Variants in SLA observed in about 807,000 individuals in gnomAD.
SLA encodes src-like-adapter.
In SLA, 16 loss-of-function variants were observed where a neutral mutation model predicts 30.3. The observed-to-expected ratio is 0.53, with a 90% CI of 0.36 to 0.80. The LOEUF (loss-of-function observed/expected upper bound fraction) is 0.80. SLA is among the 30% of genes least tolerant of loss of function. SLA has a pLI of 0.01. For missense variants in SLA, 310 were observed against 345.2 expected (o/e 0.90, Z 0.81); for synonymous variants, 143 against 137.8 (o/e 1.04, Z -0.26).
chr8:133,092,103 T>C (rs1847646330), intron 1 of SLA, among the ~76,000 whole-genome samples: 1 of 152,202 alleles, frequency 6.6e-6, no homozygotes, highest in Non-Finnish European at 1.5e-5. Context: ...CACTCTGATC[T>C]CCAGGATTTT....
intron 3 of SLA, among the ~76,000 whole-genome samples, chr8:133,054,230 CAGAGA>C (rs1406462671): frequency 6.6e-6 from 1 of 151,896 alleles, no homozygotes; most frequent in Non-Finnish European, 1.5e-5. Context: ...ATGAGTGAGG[CAGAGA>C]AGAGGAGAGT....
rs1411645113 is a variant in SLA, at chr8:133,087,908, T to C, written c.-318-12778A>G. On this transcript the variant is annotated intron_variant, in intron 1 of 8. Transcript: ENST00000338087. ...CCAGAAAACCTGGGTCTTAACCTCT[T>C]TCACCTGCTACTGGCAGGATTTTAA... The C allele has an allele frequency of 2.0e-5, 3 of 152,210 alleles. No individual in the cohort carries two copies. In the East Asian group the frequency reaches 5.8e-4, roughly 29 times the overall value. The allele number at this position is 152,210 out of a possible 1,614,324, so 9.4% of individuals were successfully genotyped here.
chr8:133,087,822 G>A (rs1236806256), intron 1 of SLA: 1 of 152,190 alleles, frequency 6.6e-6, no homozygotes, highest in Non-Finnish European at 1.5e-5. Context: ...GCCTGTGAAT[G>A]TCACGTGACC....
At chr8:133,068,355 C>T (rs1227371806) in intron 2 of SLA, among the ~76,000 whole-genome samples, 1 of 152,180 alleles carries the variant, frequency 6.6e-6, no homozygotes. Context: ...CACTCTCAGG[C>T]TAACAGAGAG....
chr8:133,071,171 T>C (rs999569963), intron 2 of SLA, among the ~76,000 whole-genome samples: 1 of 152,192 alleles, frequency 6.6e-6, no homozygotes, highest in African/African-American at 2.4e-5. Context: ...CCAGTGCGTA[T>C]TGAGGAATTG....
At chr8:133,081,404 G>T (rs766659564) in intron 1 of SLA, among the ~76,000 whole-genome samples, 2 of 152,190 alleles carry the variant, frequency 1.3e-5, no homozygotes, top group African/African-American at 2.4e-5. Context: ...AAACCATCTG[G>T]GGGGAGAGCA....
At position 133,074,905 on chromosome 8, in the gene SLA, G is replaced by A; in HGVS notation, c.-93C>T. On this transcript the variant is annotated 5_prime_UTR_variant, in exon 2 of 9. Coordinates refer to ENST00000338087, the MANE Select transcript of SLA (RefSeq NM_001045556.3). ...GGAGCTGTCTGCAGAGGGATTGCTGGGTGCAGAGTCACTGCCTCTCCGTCT... is the reference window on the plus strand; with the variant it reads ...GGAGCTGTCTGCAGAGGGATTGCTGAGTGCAGAGTCACTGCCTCTCCGTCT... The A allele has an allele frequency of 1.0e-6, 1 of 985,524 alleles. No homozygotes were observed. The highest frequency in any genetic ancestry group is 4.7e-5 in the South Asian group (1 of 21,292). 61.0% of individuals were successfully genotyped at this position (985,524 alleles called of 1,614,324 possible).
chr8:133,092,454 C>T (rs993580490), intron 1 of SLA, among the ~76,000 whole-genome samples: 5 of 152,230 alleles, frequency 3.3e-5, no homozygotes, highest in African/African-American at 1.2e-4. Context: ...GACCTACAGG[C>T]ATGGCTGGGT....
chr8:133,039,872 G>A (rs1228549194), intron 8 of SLA, 126 bp downstream of exon 8: 9 of 1,459,818 alleles, frequency 6.2e-6, no homozygotes, highest in African/African-American at 2.8e-5. Flanking sequence ...GTTTCAGCAG[G>A]GCTGGCTGAC....
At chr8:133,069,565 C>T (rs184591298) in intron 2 of SLA, among the ~76,000 whole-genome samples, 1 of 152,294 alleles carries the variant, frequency 6.6e-6, no homozygotes, top group African/African-American at 2.4e-5. Flanking sequence ...CACAATTCGA[C>T]GGTCATTTGT....
chr8:133,088,415 C>A (rs1041531616), intron 1 of SLA, among the ~76,000 whole-genome samples: 5 of 152,260 alleles, frequency 3.3e-5, no homozygotes, highest in Admixed American at 1.3e-4. Flanking sequence ...GTGGGGGGAA[C>A]AATGAAACCT....
At chr8:133,050,135 G>T (rs543196000) in intron 4 of SLA, 147 bp from the exon 5 acceptor site, 3 of 666,196 alleles carry the variant, frequency 4.5e-6, no homozygotes, top group Non-Finnish European at 8.1e-6. Context: ...CCCATATTTC[G>T]TCATCTGAAA....
Position 133,050,855 on chromosome 8 carries a change from G to C in SLA, c.122C>G (p.Pro41Arg). 6.2e-7 allele frequency: 1 copy of C among 1,613,296 alleles called. No individual in the cohort carries two copies. The stretch of plus-strand genomic sequence containing the variant: ...CAGTTTCTCCCCTCGGCGGAATATC[G>C]GGGGGCTGATGTCAGGAGACGGGTA... ...SDYPSPDISPPIFRRGEKLRV... is the reference protein window; with the variant it reads ...SDYPSPDISPRIFRRGEKLRV... Residue 41 changes from proline (P) to arginine (R), a missense_variant, in exon 4 of 9, where the codon CCG becomes CGG. Physicochemically the swap from Pro to Arg is moderately radical, Grantham distance 103. Transcript: ENST00000338087.
At chr8:133,068,803 C>A (rs1203498024) in intron 2 of SLA, among the ~76,000 whole-genome samples, 3 of 152,242 alleles carry the variant, frequency 2.0e-5, no homozygotes, top group Non-Finnish European at 4.4e-5. Flanking sequence ...TTCTTTCTTT[C>A]TAGATAGACT....
chr8:133,079,077 G>A (rs1365911010), intron 1 of SLA, among the ~76,000 whole-genome samples: 1 of 152,192 alleles, frequency 6.6e-6, no homozygotes, highest in African/African-American at 2.4e-5. Context: ...CTAGGTCCAT[G>A]TACTGAGTCA....
intron 7 of SLA, among the ~76,000 whole-genome samples, chr8:133,041,881 A>G (rs752553572): frequency 6.8e-6 from 1 of 148,024 alleles, no homozygotes; most frequent in Non-Finnish European, 1.5e-5. Context: ...TCTGCCTCCC[A>G]GGTTCAAGTG....
chr8:133,066,368 C>G (rs1010330559), intron 2 of SLA, among the ~76,000 whole-genome samples: 2 of 136,236 alleles, frequency 1.5e-5, no homozygotes, highest in African/African-American at 5.4e-5. Flanking sequence ...TGGAACAAAA[C>G]AAAAGAAAAG....
chr8:133,087,262 A>G (rs1846738641), intron 1 of SLA, among the ~76,000 whole-genome samples: 1 of 152,236 alleles, frequency 6.6e-6, no homozygotes, highest in Non-Finnish European at 1.5e-5. Context: ...TAAAAATTGC[A>G]GAGGGCTTTC....
intron 1 of SLA, among the ~76,000 whole-genome samples, chr8:133,077,735 A>ATG (rs34749093): frequency 0.019 from 2,791 of 148,006 alleles, 53 homozygotes; most frequent in African/African-American, 0.045. Context: ...TCTGGTGTGT[A>ATG]TGTGTGTGTG....
Sources: gnomAD v4.1 joint callset for allele counts (sites outside exome capture counted in the v4.1 genomes callset) on GRCh38, gnomAD v4.1.1 for gene constraint, MANE v1.5 for transcripts, NCBI Gene and HGNC (gene_info 2026-07-23, HGNC 2026-07-21) for gene names.